DNMT3B: variants seen among roughly 807,000 people sequenced by gnomAD.
DNMT3B encodes the protein DNA (cytosine-5)-methyltransferase 3B.
A neutral mutation model predicts 120.2 loss-of-function variants in DNMT3B; 37 were observed. That is an observed-to-expected ratio of 0.31 (90% CI 0.24 to 0.40). The LOEUF (loss-of-function observed/expected upper bound fraction) is 0.40. Among genes scored for constraint, DNMT3B ranks in the 10% least tolerant of loss-of-function variants. The pLI is 1.00. For missense variants in DNMT3B, 878 were observed against 1,137.3 expected (o/e 0.77, Z 3.28); for synonymous variants, 412 against 442.8 (o/e 0.93, Z 0.87).
chr20:32,769,662 A>C (rs1987598372), intron 1 of DNMT3B, among the ~76,000 whole-genome samples: 1 of 152,054 alleles, frequency 6.6e-6, no homozygotes, highest in African/African-American at 2.4e-5. Context: ...GCAGGCCTTA[A>C]TTTTGACATT....
chr20:32,799,313 G>C lies in DNMT3B; in HGVS notation c.1744G>C (p.Asp582His). ...GCCCATTCGAGTCCTGTCATTGTTTGATGGCATCGCGACAGGTGAGTTCGG... is the reference window on the plus strand; with the variant it reads ...GCCCATTCGAGTCCTGTCATTGTTTCATGGCATCGCGACAGGTGAGTTCGG... Reference protein sequence around the residue: ...RRPIRVLSLFDGIATGYLVLK... With the variant: ...RRPIRVLSLFHGIATGYLVLK... The change falls in exon 16 of 23, where the codon GAT becomes CAT. Residue 582 changes from aspartate (D) to histidine (H), a missense_variant. Coordinates refer to ENST00000328111, the MANE Select transcript of DNMT3B (RefSeq NM_006892.4). The C allele has an allele frequency of 6.2e-7, 1 of 1,613,108 alleles. No individual in the cohort carries two copies. The highest frequency in any genetic ancestry group is 8.5e-7 in the Non-Finnish European group (1 of 1,179,674).
chr20:32,802,668 C>T (rs1324380495), intron 20 of DNMT3B, among the ~76,000 whole-genome samples, 198 bp downstream of exon 20: 1 of 152,000 alleles, frequency 6.6e-6, no homozygotes, highest in Non-Finnish European at 1.5e-5. Flanking sequence ...AGGAGTCCCA[C>T]TCTTACCTGT....
At chr20:32,773,619 T>C (rs1359332261) in intron 1 of DNMT3B, among the ~76,000 whole-genome samples, 1 of 151,824 alleles carries the variant, frequency 6.6e-6, no homozygotes, top group African/African-American at 2.4e-5. Context: ...GGGCTTTTTT[T>C]TTTTTTTTTT....
intron 1 of DNMT3B, 166 bp from the exon 2 acceptor site, chr20:32,780,152 G>A (rs1230479035): frequency 6.2e-7 from 1 of 1,613,726 alleles, no homozygotes; most frequent in Non-Finnish European, 8.5e-7. Flanking sequence ...CTTGGTGAGG[G>A]GGAGGCTATG....
At position 32,781,392 on chromosome 20, in the gene DNMT3B, C is replaced by G. The variant is rs752329190; in HGVS notation, c.182C>G (p.Ser61Cys). Residue 61 changes from serine to cysteine, a missense_variant, in exon 3 of 23, where the codon TCC becomes TGC. Coordinates refer to ENST00000328111, the MANE Select transcript of DNMT3B (RefSeq NM_006892.4). ...TCGCGACTCTCCAAGAGGGAGGTGT[C>G]CAGTCTGCTAAGCTACACACAGGTA... Reference protein sequence around the residue: ...SSSRLSKREVSSLLSYTQDLT... With the variant: ...SSSRLSKREVCSLLSYTQDLT... 1 of 1,614,184 alleles carries G rather than the reference C, an allele frequency of 6.2e-7. No individual in the cohort carries two copies. Among genetic ancestry groups the G allele is most frequent in the Admixed American group, 1.7e-5 (1 of 60,028 alleles).
intron 3 of DNMT3B, among the ~76,000 whole-genome samples, chr20:32,782,622 A>G (rs746633761): frequency 1.3e-5 from 2 of 152,232 alleles, no homozygotes; most frequent in South Asian, 4.1e-4. Context: ...GAGAAACCAC[A>G]TTCATATGGC....
chr20:32,775,471 A>T (rs1024115619), intron 1 of DNMT3B, among the ~76,000 whole-genome samples: 5 of 151,914 alleles, frequency 3.3e-5, no homozygotes, highest in African/African-American at 1.2e-4. Context: ...GTTGCCACCT[A>T]CCCCTCTGTC....
At chr20:32,775,975 C>T (rs1988050845) in intron 1 of DNMT3B, among the ~76,000 whole-genome samples, 1 of 152,190 alleles carries the variant, frequency 6.6e-6, no homozygotes, top group Non-Finnish European at 1.5e-5. Flanking sequence ...TGCAGTGGCT[C>T]ACGCCTGTAA....
At position 32,786,737 on chromosome 20, in the gene DNMT3B, C is replaced by T. The variant is rs147173396; in HGVS notation, c.432+110C>T. 1.2e-3 allele frequency: 1,826 copies of T among 1,552,568 alleles called. 2 individuals carry two copies. Among genetic ancestry groups the T allele is most frequent in the Non-Finnish European group, 1.5e-3 (1,710 of 1,139,144 alleles). The stretch of plus-strand genomic sequence containing the variant: ...GTAGATAATCTGTGTCCTTTTTTCA[C>T]ACTGCTTTTCAGGTTCTTGCTTTTT... On this transcript the variant is annotated intron_variant, in intron 5 of 22. Transcript: ENST00000328111.
At position 32,786,559 on chromosome 20, in the gene DNMT3B, C is replaced by T. The variant is rs768468807; in HGVS notation, c.364C>T (p.Arg122Cys). 19 of 1,613,992 alleles carry T rather than the reference C, an allele frequency of 1.2e-5. No homozygotes were observed. The highest frequency in any genetic ancestry group is 4.5e-5 in the East Asian group (2 of 44,890). ...SSRERHRPSP[R>C]STRGRQGRNH... ...CCGGGAGAGGCACAGGCCTTCCCCACGTTCCACCCGAGGCCGGCAGGGCCG... is the reference window on the plus strand; with the variant it reads ...CCGGGAGAGGCACAGGCCTTCCCCATGTTCCACCCGAGGCCGGCAGGGCCG... The change falls in exon 5 of 23, where the codon CGT becomes TGT. Residue 122 changes from arginine (R) to cysteine (C), a missense_variant. Around this residue, in one of 4 missense-constraint regions of DNMT3B, gnomAD observed 287 missense variants for 306.2 expected, o/e 0.94. Transcript: ENST00000328111.
chr20:32,792,026 C>T (rs919934050), intron 8 of DNMT3B, among the ~76,000 whole-genome samples: 2 of 152,170 alleles, frequency 1.3e-5, no homozygotes, highest in East Asian at 3.8e-4. Context: ...TTGGAGTTCA[C>T]AGCAAGACAG....
chr20:32,770,525 T>C (rs555250608), intron 1 of DNMT3B, among the ~76,000 whole-genome samples: 28 of 152,232 alleles, frequency 1.8e-4, no homozygotes, highest in African/African-American at 6.5e-4. Context: ...CAGGCTGGTC[T>C]CGAACTCCCG....
At chr20:32,775,830 G>A (rs1988040568) in intron 1 of DNMT3B, among the ~76,000 whole-genome samples, 2 of 152,268 alleles carry the variant, frequency 1.3e-5, no homozygotes, top group Admixed American at 1.3e-4. Flanking sequence ...ACGTGCCCTG[G>A]ATTGCCTGGG....
rs1982137832 is a variant in DNMT3B at position 32,807,838 on chromosome 20, T to G, written c.2497T>G (p.Ser833Ala). 1.9e-6 allele frequency: 3 copies of G among 1,614,072 alleles called. No homozygotes were observed. Residue 833 changes from serine to alanine, a missense_variant, in exon 23 of 23, where the codon TCC becomes GCC. Coordinates refer to ENST00000328111, the MANE Select transcript of DNMT3B (RefSeq NM_006892.4). ...RGARQKLLGRSWSVPVIRHLF... is the reference protein window; with the variant it reads ...RGARQKLLGRAWSVPVIRHLF... ...TGCCCGCCAGAAGCTGCTGGGAAGGTCCTGGAGCGTGCCTGTCATCCGACA... is the reference window on the plus strand; with the variant it reads ...TGCCCGCCAGAAGCTGCTGGGAAGGGCCTGGAGCGTGCCTGTCATCCGACA...
intron 17 of DNMT3B, 62 bp from the exon 18 acceptor site, chr20:32,800,773 G>C (rs1274374790): frequency 6.4e-7 from 1 of 1,570,214 alleles, no homozygotes; most frequent in Non-Finnish European, 8.8e-7. Flanking sequence ...GATTCTAGAA[G>C]TGGGTCCAGC....
In DNMT3B at chr20:32,798,602, C is replaced by T. The variant is rs372550911; in HGVS notation, c.1633C>T (p.Arg545Cys). ...VLRRRKDWNV[R>C]LQAFFTSDTG... The stretch of plus-strand genomic sequence containing the variant: ...GCGGCGCCGGAAGGACTGGAACGTG[C>T]GCCTGCAGGCCTTCTTCACCAGTGA... The change falls in exon 15 of 23, where the codon CGC becomes TGC. Residue 545 changes from arginine to cysteine, a missense_variant. Physicochemically the swap from Arg to Cys is radical, Grantham distance 180. Transcript: ENST00000328111. 1.9e-5 allele frequency: 31 copies of T among 1,614,064 alleles called. 1 individual carries two copies. Among genetic ancestry groups the T allele is most frequent in the South Asian group, 1.2e-4 (11 of 91,088 alleles).
rs1374563670 is a variant in DNMT3B, at chr20:32,769,958, T to A, written c.-7+7259T>A. Among the ~76,000 whole-genome samples, 8 of 152,234 alleles carry A rather than the reference T, an allele frequency of 5.3e-5. No individual in the cohort carries two copies. The South Asian group carries it at 1.0e-3, about 20-fold the overall frequency. ...GTACTAGCAGTTATTTCTTACTTTTTAAAAAATTTTTTAAGACAGGTCTCT... is the reference window on the plus strand; with the variant it reads ...GTACTAGCAGTTATTTCTTACTTTTAAAAAAATTTTTTAAGACAGGTCTCT... On this transcript the variant is annotated intron_variant, in intron 1 of 22. Coordinates refer to ENST00000328111, the MANE Select transcript of DNMT3B (RefSeq NM_006892.4).
chr20:32,792,614 C>A lies in DNMT3B; in HGVS notation c.922-12C>A. 1 of 1,614,224 alleles carries A rather than the reference C, an allele frequency of 6.2e-7. No homozygotes were observed. Among genetic ancestry groups the A allele is most frequent in the South Asian group, 1.1e-5 (1 of 91,090 alleles). On this transcript the variant is annotated splice_polypyrimidine_tract_variant and intron_variant, in intron 8 of 22. Coordinates refer to ENST00000328111, the MANE Select transcript of DNMT3B (RefSeq NM_006892.4). The stretch of plus-strand genomic sequence containing the variant: ...CCCACCCCCCCATTCATCACAGACT[C>A]TGCCTTTGCAGAAAGCTAGGGTGCG...
intron 15 of DNMT3B, 25 bp from the exon 16 acceptor site, chr20:32,799,219 C>T: frequency 1.2e-6 from 2 of 1,602,906 alleles, no homozygotes; most frequent in Non-Finnish European, 1.7e-6. Flanking sequence ...CCTTCACCAC[C>T]ATGACCTCCT....
Sources: gnomAD v4.1 joint callset for allele counts (sites outside exome capture counted in the v4.1 genomes callset) on GRCh38, gnomAD v4.1.1 for gene constraint, gnomAD v4.1.1 regional missense constraint, MANE v1.5 for transcripts, NCBI Gene and HGNC (gene_info 2026-07-23, HGNC 2026-07-21) for gene names.